Variants in MTREX observed in about 807,000 individuals in gnomAD.
MTREX encodes the protein Mtr4 exosome RNA helicase.
Under a neutral mutation model 135.4 loss-of-function variants are expected in MTREX, and 76 were observed. That is an observed-to-expected ratio of 0.56 (90% CI 0.47 to 0.68). The LOEUF (loss-of-function observed/expected upper bound fraction) is 0.68. MTREX is among the 30% of genes least tolerant of loss of function. The pLI, the probability that MTREX is intolerant of heterozygous loss-of-function variation, is 0.00. For synonymous variants in MTREX, 404 were observed against 401.6 expected, an observed-to-expected ratio of 1.01 and a Z score of -0.07; for missense variants, 920 against 1,262.1, an observed-to-expected ratio of 0.73 and a Z score of 4.11.
At chr5:55,308,773 A>G (rs916170070) in intron 1 of MTREX, among the ~76,000 whole-genome samples, 4 of 152,224 alleles carry the variant, frequency 2.6e-5, no homozygotes, top group African/African-American at 7.2e-5. Context: ...ACTGGTGCAT[A>G]CAGCCACCAG....
rs1423553777 is a variant in MTREX, at chr5:55,341,079, G to C, written c.691-602G>C. ...TAATGGTGAGCATAAATTAGCTTCT[G>C]ATTTGGAGAACCAGCCAAAAGCATT... is the stretch of plus-strand genomic sequence containing the variant. On this transcript the variant is annotated intron_variant, in intron 6 of 26. Coordinates refer to ENST00000230640, the MANE Select transcript of MTREX (RefSeq NM_015360.5). 2.6e-5 allele frequency among the ~76,000 whole-genome samples: 4 copies of C among 152,148 alleles called. No homozygotes were observed. In the East Asian group the frequency reaches 7.7e-4, roughly 29 times the overall value.
At chr5:55,328,436 G>T (rs1749417279) in intron 4 of MTREX, among the ~76,000 whole-genome samples, 1 of 152,100 alleles carries the variant, frequency 6.6e-6, no homozygotes, top group South Asian at 2.1e-4. Context: ...AAATGGTAAT[G>T]ATTATTTTAT....
At chr5:55,415,897 G>A in intron 24 of MTREX, 73 bp from the exon 25 acceptor site, 3 of 1,107,302 alleles carry the variant, frequency 2.7e-6, no homozygotes, top group Non-Finnish European at 3.8e-6. Flanking sequence ...CTGGAATACT[G>A]GCTTGGAAAC....
At position 55,312,806 on chromosome 5, in the gene MTREX, G is replaced by C. The variant is rs112823502; in HGVS notation, c.134+4659G>C. ...ACAGTGAGTGCTCTTGAGGTTGGCT[G>C]TTGTGTCTTTTTGACAAGACATCAT... On this transcript the variant is annotated intron_variant, in intron 1 of 26. Transcript: ENST00000230640. Among the ~76,000 whole-genome samples the C allele has an allele frequency of 6.1e-3, 932 of 152,280 alleles. 8 individuals are homozygous for C. Among genetic ancestry groups the C allele is most frequent in the African/African-American group, 0.022 (899 of 41,560 alleles).
chr5:55,382,451 A>T (rs1025454231), intron 18 of MTREX, among the ~76,000 whole-genome samples: 1 of 152,224 alleles, frequency 6.6e-6, no homozygotes, highest in African/African-American at 2.4e-5. Flanking sequence ...TTCCAGTGTG[A>T]TATAGAGGTG....
At chr5:55,346,065 G>A (rs2112063799) in intron 10 of MTREX, among the ~76,000 whole-genome samples, 1 of 152,194 alleles carries the variant, frequency 6.6e-6, no homozygotes, top group African/African-American at 2.4e-5. Context: ...ATTCATCATT[G>A]GATGGACTTT....
intron 21 of MTREX, among the ~76,000 whole-genome samples, chr5:55,404,677 C>A (rs1226401469): frequency 6.6e-6 from 1 of 152,150 alleles, no homozygotes; most frequent in Non-Finnish European, 1.5e-5. Context: ...CCTAAATTCA[C>A]CACTGACTTT....
intron 23 of MTREX, among the ~76,000 whole-genome samples, chr5:55,413,083 T>C (rs1025112107): frequency 1.3e-5 from 2 of 152,064 alleles, no homozygotes; most frequent in Non-Finnish European, 1.5e-5. Context: ...GGCTCATGCC[T>C]GTAATCCCAG....
Position 55,328,739 on chromosome 5 carries a change from T to G in MTREX, c.443T>G (p.Ile148Ser), listed in dbSNP as rs765373772. 1.9e-6 allele frequency: 3 copies of G among 1,613,620 alleles called. No individual in the cohort carries two copies. The South Asian group carries it at 3.3e-5, about 18-fold the overall frequency. ...CTTGATGCTTTTCAAAGAGAGGCCA[T>G]TCAGTGTGTTGACAATAATCAGTCT... ...FILDAFQREA[I>S]QCVDNNQSVL... Residue 148 changes from isoleucine (I) to serine (S), a missense_variant, in exon 5 of 27, where the codon ATT (isoleucine) becomes AGT (serine). Transcript: ENST00000230640.
At chr5:55,414,047 TA>T in intron 23 of MTREX, 134 bp from the exon 24 acceptor site, 1 of 556,384 alleles carries the variant, frequency 1.8e-6, no homozygotes, top group Non-Finnish European at 3.1e-6. Flanking sequence ...TTAGAAACTC[TA>T]AATGCTGATG....
chr5:55,327,688 T>G, intron 3 of MTREX, 28 bp from the exon 4 acceptor site: 2 of 1,581,188 alleles, frequency 1.3e-6, no homozygotes, highest in Non-Finnish European at 1.7e-6. Flanking sequence ...TTGGTGAGGT[T>G]TTTTTTTCTT....
At position 55,353,316 on chromosome 5, in the gene MTREX, A is replaced by G. The variant is rs769641631; in HGVS notation, c.1533+47A>G. On this transcript the variant is annotated intron_variant, in intron 14 of 26. Transcript: ENST00000230640. ...TCAAAATAATTTTTGTCTTTGTTAT[A>G]CTATAGATAACTGGCTTACATAGTC... 52 of 1,207,290 alleles carry G rather than the reference A, an allele frequency of 4.3e-5. No individual in the cohort carries two copies. In the Middle Eastern group the frequency reaches 5.7e-4, roughly 13 times the overall value. 74.8% of individuals were successfully genotyped at this position (1,207,290 alleles called of 1,614,324 possible). A position where few individuals can be genotyped will look rare whatever the true frequency, so the allele number is the denominator to read the frequency against.
intron 15 of MTREX, among the ~76,000 whole-genome samples, chr5:55,366,229 C>T (rs1001663350): frequency 6.6e-6 from 1 of 152,008 alleles, no homozygotes; most frequent in African/African-American, 2.4e-5. Flanking sequence ...AATAGTCTGC[C>T]TATAATCCCA....
At chr5:55,350,040 G>T (rs1234727992) in intron 12 of MTREX, among the ~76,000 whole-genome samples, 1 of 152,138 alleles carries the variant, frequency 6.6e-6, no homozygotes, top group African/African-American at 2.4e-5. Context: ...CCTTAATCCA[G>T]TGTATTTTTG....
At chr5:55,351,693 G>A (rs187605460) in intron 13 of MTREX, among the ~76,000 whole-genome samples, 6 of 152,230 alleles carry the variant, frequency 3.9e-5, no homozygotes, top group Admixed American at 3.3e-4. Flanking sequence ...GTTAGACTTA[G>A]GAAAGAGAGT....
At chr5:55,394,904 G>A (rs1287443044) in intron 19 of MTREX, among the ~76,000 whole-genome samples, 1 of 151,432 alleles carries the variant, frequency 6.6e-6, no homozygotes, top group Admixed American at 6.6e-5. Context: ...ATGGTGGCAG[G>A]TGCCTGTAGT....
rs1298981008 is a variant in MTREX, at chr5:55,323,562, A to G, written c.273-570A>G. 3.3e-5 allele frequency among the ~76,000 whole-genome samples: 5 copies of G among 152,182 alleles called. No individual in the cohort carries two copies. The East Asian group carries it at 7.7e-4, about 24-fold the overall frequency. On this transcript the variant is annotated intron_variant, in intron 2 of 26. Coordinates refer to ENST00000230640, the MANE Select transcript of MTREX (RefSeq NM_015360.5). ...CTCAATGTCTTGAGTAGCTGGGACT[A>G]CAGGCGCGTGCCACCACGTATGCTA...
Position 55,327,267 on chromosome 5 carries a change from G to C in MTREX, c.340-449G>C, listed in dbSNP as rs111323300. ...TCTAGTTGTAGATCCTTGAGGAATC[G>C]CCACACTGCACAAAGACTTTATTAA... On this transcript the variant is annotated intron_variant, in intron 3 of 26. Transcript: ENST00000230640. Among the ~76,000 whole-genome samples, 724 of 152,180 alleles carry C rather than the reference G, an allele frequency of 4.8e-3. 2 individuals carry two copies. Among genetic ancestry groups the C allele is most frequent in the African/African-American group, 0.017 (698 of 41,512 alleles).
chr5:55,375,259 A>G (rs891347821), intron 16 of MTREX, among the ~76,000 whole-genome samples: 3 of 152,210 alleles, frequency 2.0e-5, no homozygotes, highest in Non-Finnish European at 4.4e-5. Flanking sequence ...TTTATTAGGC[A>G]GGAATTTCCT....
Sources: allele counts gnomAD v4.1 joint callset (sites outside exome capture counted in the v4.1 genomes callset), GRCh38; gene constraint gnomAD v4.1.1; transcripts MANE v1.5; gene names NCBI Gene and HGNC (gene_info 2026-07-23, HGNC 2026-07-21).